CUL2: variants seen among roughly 807,000 people sequenced by gnomAD.
The protein encoded by CUL2 is cullin 2.
A neutral mutation model predicts 110.2 loss-of-function variants in CUL2; 22 were observed. That is an observed-to-expected ratio of 0.20 (90% confidence interval 0.14 to 0.28). The LOEUF (loss-of-function observed/expected upper bound fraction) is 0.28. CUL2 is among the 10% of genes least tolerant of loss of function. The pLI is 1.00. For synonymous variants in CUL2, 279 were observed against 293.2 expected, an observed-to-expected ratio of 0.95 and a Z score of 0.49; for missense variants, 631 against 905.5, an observed-to-expected ratio of 0.70 and a Z score of 3.89.
At position 35,027,143 on chromosome 10, in the gene CUL2, C is replaced by CTTTTTT. The variant is rs35508150; in HGVS notation, c.1617+1661_1617+1666dup. Among the ~76,000 whole-genome samples, 7 of 127,586 alleles carry CTTTTTT rather than the reference C, an allele frequency of 5.5e-5. No homozygotes were observed. The South Asian group carries it at 1.8e-3, about 33-fold the overall frequency. The allele number at this position is 127,586 out of a possible 152,430, so 83.7% of individuals were successfully genotyped here. A position where few individuals can be genotyped will look rare whatever the true frequency, so the allele number is the denominator to read the frequency against. The stretch of plus-strand genomic sequence containing the variant: ...ACATTAATATACACTACTTTAGATA[C>CTTTTTT]TTTTTTTTTTTTTTTTTTTGAGGCG... On this transcript the variant is annotated intron_variant, in intron 16 of 20. Coordinates refer to ENST00000374749, the MANE Select transcript of CUL2 (RefSeq NM_003591.4).
intron 5 of CUL2, among the ~76,000 whole-genome samples, chr10:35,050,200 A>G (rs1254880054): frequency 6.6e-6 from 1 of 152,086 alleles, no homozygotes; most frequent in Non-Finnish European, 1.5e-5. Flanking sequence ...ATGCGCCTGT[A>G]ATCCCAGCTA....
chr10:35,011,815 C>T (rs1198994951), intron 20 of CUL2, 33 bp downstream of exon 20: 1 of 1,166,454 alleles, frequency 8.6e-7, no homozygotes, highest in Non-Finnish European at 1.3e-6. Context: ...TGCCCTCTAC[C>T]CTAAGAAGCC....
chr10:35,108,475 A>G, intron 1 of CUL2, among the ~76,000 whole-genome samples: 1 of 152,016 alleles, frequency 6.6e-6, no homozygotes, highest in Admixed American at 6.6e-5. Flanking sequence ...AAAGGAAAAA[A>G]AGAAAAAAAA....
rs2084824761 is a variant in CUL2, at chr10:35,008,876, A to AC, written c.*1434dup. 6.6e-6 allele frequency: 1 copy of AC among 152,160 alleles called. No individual in the cohort carries two copies. Among genetic ancestry groups the AC allele is most frequent in the South Asian group, 2.1e-4 (1 of 4,828 alleles). 9.4% of individuals were successfully genotyped at this position (152,160 alleles called of 1,614,324 possible). On this transcript the variant is annotated 3_prime_UTR_variant, in exon 21 of 21. Coordinates refer to ENST00000374749, the MANE Select transcript of CUL2 (RefSeq NM_003591.4). Reference sequence around the variant, plus strand: ...TCACTGTGGATTTTTTAAAGGCCTTACTGAAGTATTATAAGTGAAATAATT... The same window carrying AC: ...TCACTGTGGATTTTTTAAAGGCCTTACCTGAAGTATTATAAGTGAAATAATT...
At chr10:35,024,180 A>C (rs186355399) in intron 17 of CUL2, among the ~76,000 whole-genome samples, 4 of 152,304 alleles carry the variant, frequency 2.6e-5, no homozygotes, top group African/African-American at 9.6e-5. Flanking sequence ...TAAGAGTATC[A>C]GTAAAAAATC....
rs975586582 is a variant in CUL2, at chr10:35,010,042, C to A, written c.*269G>T. 1.1e-5 allele frequency: 2 copies of A among 188,620 alleles called. No homozygotes were observed. The highest frequency in any genetic ancestry group is 2.6e-4 in the East Asian group (2 of 7,758). The allele number at this position is 188,620 out of a possible 1,614,324, so 11.7% of individuals were successfully genotyped here. A position where few individuals can be genotyped will look rare whatever the true frequency, so the allele number is the denominator to read the frequency against. The stretch of plus-strand genomic sequence containing the variant: ...CTGCAAACGTGAAGGGGAGAAAAAG[C>A]ATGGTACCCAACCGAATTTCCACTT... On this transcript the variant is annotated 3_prime_UTR_variant, in exon 21 of 21. Coordinates refer to ENST00000374749, the MANE Select transcript of CUL2 (RefSeq NM_003591.4).
chr10:35,034,737 C>G (rs1471198632), intron 10 of CUL2, among the ~76,000 whole-genome samples: 1 of 152,146 alleles, frequency 6.6e-6, no homozygotes, highest in Non-Finnish European at 1.5e-5. Flanking sequence ...CATATACTTA[C>G]AGAAGATTAT....
intron 20 of CUL2, 33 bp from the exon 21 acceptor site, chr10:35,010,475 CA>C (rs1237240156): frequency 1.3e-6 from 2 of 1,573,242 alleles, no homozygotes; most frequent in African/African-American, 2.7e-5. Flanking sequence ...AAACTACTGC[CA>C]GTTCTTCAGC....
chr10:35,047,692 T>C (rs2085981325), intron 6 of CUL2, among the ~76,000 whole-genome samples: 1 of 147,296 alleles, frequency 6.8e-6, no homozygotes, highest in Admixed American at 6.7e-5. Flanking sequence ...CCGAGAAAGT[T>C]GGATCTCTTG....
At chr10:35,044,922 A>G (rs1388151999) in intron 6 of CUL2, 54 bp from the exon 7 acceptor site, 12 of 1,376,792 alleles carry the variant, frequency 8.7e-6, no homozygotes, top group African/African-American at 1.4e-5. Flanking sequence ...ATCTATGGAA[A>G]TATACCCAAA....
chr10:35,019,909 T>C (rs566229470), intron 17 of CUL2, among the ~76,000 whole-genome samples: 1 of 152,312 alleles, frequency 6.6e-6, no homozygotes, highest in East Asian at 1.9e-4. Flanking sequence ...TCCCTCAGAC[T>C]GTCTGCTAAG....
intron 1 of CUL2, among the ~76,000 whole-genome samples, chr10:35,108,978 C>T (rs1300398100): frequency 3.3e-5 from 5 of 152,112 alleles, no homozygotes; most frequent in Non-Finnish European, 7.4e-5. Context: ...TTTGGGAGGC[C>T]GAAGTGGGTG....
chr10:35,012,059 T>G (rs1183342397), intron 19 of CUL2, 95 bp from the exon 20 acceptor site: 2 of 700,780 alleles, frequency 2.9e-6, no homozygotes, highest in Non-Finnish European at 4.6e-6. Context: ...AATACTTTTT[T>G]TTTTTTTTTT....
At chr10:35,084,944 C>T (rs917700309) in intron 1 of CUL2, among the ~76,000 whole-genome samples, 2 of 151,696 alleles carry the variant, frequency 1.3e-5, no homozygotes, top group Admixed American at 6.6e-5. Context: ...ATGGTGAAAC[C>T]CCGTCTCTAC....
intron 5 of CUL2, among the ~76,000 whole-genome samples, chr10:35,053,008 A>G (rs1447678218): frequency 6.6e-6 from 1 of 152,214 alleles, no homozygotes; most frequent in East Asian, 1.9e-4. Context: ...ACAGACAGTA[A>G]CAAATAACAA....
intron 1 of CUL2, among the ~76,000 whole-genome samples, chr10:35,075,349 C>T (rs35917421): frequency 0.029 from 4,458 of 152,190 alleles, 98 homozygotes; most frequent in Middle Eastern, 0.082. Flanking sequence ...AAAGTTTACA[C>T]AAGGATGTGA....
At chr10:35,035,476 A>G (rs1291241693) in intron 9 of CUL2, among the ~76,000 whole-genome samples, 180 bp from the exon 10 acceptor site, 1 of 152,206 alleles carries the variant, frequency 6.6e-6, no homozygotes, top group Non-Finnish European at 1.5e-5. Context: ...GGATGTGGTT[A>G]TTTAACATCT....
At chr10:35,010,743 C>T (rs2084879559) in intron 20 of CUL2, among the ~76,000 whole-genome samples, 1 of 152,176 alleles carries the variant, frequency 6.6e-6, no homozygotes, top group East Asian at 1.9e-4. Context: ...CCCCAGCAGC[C>T]CCTAGGCCAG....
In CUL2 at chr10:35,044,589, T is replaced by C. The variant is rs763832576; in HGVS notation, c.691A>G (p.Asn231Asp). The C allele has an allele frequency of 6.2e-6, 10 of 1,606,824 alleles. No homozygotes were observed. Among genetic ancestry groups the C allele is most frequent in the Admixed American group, 1.7e-5 (1 of 59,786 alleles). The stretch of plus-strand genomic sequence containing the variant: ...ACCTTTTCCATATACTGTGAGCAGT[T>C]TGATTCTTGTAATAAATTTGAAGCT... ...QEASNLLQES[N>D]CSQYMEKVLG... Residue 231 changes from asparagine to aspartate, a missense_variant, in exon 8 of 21, where the codon AAC becomes GAC. This residue lies in a region of CUL2 where 338 missense variants were observed against 442.5 expected (regional missense o/e 0.76). Coordinates refer to ENST00000374749, the MANE Select transcript of CUL2 (RefSeq NM_003591.4).
Sources: gnomAD v4.1 joint callset for allele counts (sites outside exome capture counted in the v4.1 genomes callset) on GRCh38, gnomAD v4.1.1 for gene constraint, gnomAD v4.1.1 regional missense constraint, MANE v1.5 for transcripts, NCBI Gene and HGNC (gene_info 2026-07-23, HGNC 2026-07-21) for gene names.